PDIK1L: variants seen among roughly 807,000 people sequenced by gnomAD.
PDIK1L encodes serine/threonine-protein kinase PDIK1L.
PDIK1L carries 9 observed loss-of-function variants against 27.1 expected under a neutral mutation model. That is an observed-to-expected ratio of 0.33 (90% CI 0.20 to 0.58). The LOEUF is 0.58. Ranked by LOEUF, PDIK1L falls within the 20% of genes least tolerant of loss-of-function variation. The pLI, the probability that PDIK1L is intolerant of heterozygous loss-of-function variation, is 0.86. For synonymous variants in PDIK1L, 130 were observed against 141.7 expected, an observed-to-expected ratio of 0.92 and a Z score of 0.59; for missense variants, 216 against 413.2, an observed-to-expected ratio of 0.52 and a Z score of 4.14.
chr1:26,113,492 TCC>T (rs1327541045), intron 1 of PDIK1L, among the ~76,000 whole-genome samples: 16 of 119,278 alleles, frequency 1.3e-4, no homozygotes, highest in African/African-American at 4.9e-4. Context: ...AGAGCGAGAC[TCC>T]GTCTAAAAAA....
chr1:26,122,436 G>A lies in PDIK1L; in HGVS notation c.885G>A (p.Val295=). 1 of 1,614,146 alleles carries A rather than the reference G, an allele frequency of 6.2e-7. No individual in the cohort carries two copies. Among genetic ancestry groups the A allele is most frequent in the Non-Finnish European group, 8.5e-7 (1 of 1,180,006 alleles). The change falls in exon 3 of 3, where the codon GTG becomes GTA. Residue 295 remains valine, a synonymous_variant. Coordinates refer to ENST00000374269, the MANE Select transcript of PDIK1L (RefSeq NM_152835.5). The surrounding 1 kb of genome is among the most constrained non-coding windows in gnomAD (Gnocchi z 5.4). ...CCAAAATGGAACTTCTCATTCCTGT[G>A]AAGAAAAAATCTATGAATGGGCGAA... The part of the protein sequence containing the change: ...ENPKMELLIP[V]KKKSMNGRMK...
intron 2 of PDIK1L, among the ~76,000 whole-genome samples, chr1:26,118,675 A>C (rs1194662664): frequency 2.6e-5 from 4 of 152,234 alleles, no homozygotes; most frequent in Admixed American, 2.6e-4. Context: ...GGTACATATA[A>C]GTACTCAGTA....
chr1:26,119,727 C>T (rs773547177), intron 2 of PDIK1L, among the ~76,000 whole-genome samples: 5 of 149,832 alleles, frequency 3.3e-5, no homozygotes, highest in African/African-American at 1.2e-4. Context: ...GGCATAGTGG[C>T]GCATGCCTGT....
At position 26,114,425 on chromosome 1, in the gene PDIK1L, T is replaced by C; in HGVS notation, c.117T>C (p.Ile39=). 6.2e-7 allele frequency: 1 copy of C among 1,614,044 alleles called. No homozygotes were observed. The highest frequency in any genetic ancestry group is 8.5e-7 in the Non-Finnish European group (1 of 1,179,988). The change falls in exon 2 of 3, where the codon ATT becomes ATC. Residue 39 remains isoleucine, a synonymous_variant. Transcript: ENST00000374269. The surrounding 1 kb of genome is among the most constrained non-coding windows in gnomAD (Gnocchi z 4.8). ...KTSARVAVKK[I]RCHAPENVEL... ...CTGCACGGGTGGCAGTGAAGAAAAT[T>C]CGATGTCACGCACCTGAAAATGTTG...
In PDIK1L at chr1:26,121,833, G is replaced by T. The variant is rs1477645548; in HGVS notation, c.286-4G>T. 8.8e-6 allele frequency: 14 copies of T among 1,598,860 alleles called. No homozygotes were observed. Among genetic ancestry groups the T allele is most frequent in the Middle Eastern group, 3.3e-4 (2 of 5,982 alleles). On this transcript the variant is annotated splice_region_variant and splice_polypyrimidine_tract_variant and intron_variant, in intron 2 of 2. Coordinates refer to ENST00000374269, the MANE Select transcript of PDIK1L (RefSeq NM_152835.5). Reference sequence around the variant, plus strand: ...ATTGTAATCTTTTTTCTTCCTTCTTGTAGCTTGTAGAAACTTCATTAAAAG... The same window carrying T: ...ATTGTAATCTTTTTTCTTCCTTCTTTTAGCTTGTAGAAACTTCATTAAAAG...
In PDIK1L at chr1:26,122,346, C is replaced by A. The variant is rs1224403498; in HGVS notation, c.795C>A (p.Leu265=). The change falls in exon 3 of 3, where the codon CTC becomes CTA. Residue 265 remains leucine (L), a synonymous_variant. Transcript: ENST00000374269. This position sits in a 1 kb window ranked among gnomAD's most constrained non-coding sequence, Gnocchi z 5.4. ...TFIDTETKKE[L]LGSYVKQGTE... is the part of the protein sequence containing the mutation. ...TAGACACAGAGACAAAGAAGGAACT[C>A]TTGGGGAGTTATGTAAAACAAGGAA... 6.2e-7 allele frequency: 1 copy of A among 1,614,130 alleles called. No homozygotes were observed. The highest frequency in any genetic ancestry group is 8.5e-7 in the Non-Finnish European group (1 of 1,180,012).
chr1:26,120,153 T>G (rs1451149368), intron 2 of PDIK1L, among the ~76,000 whole-genome samples: 1 of 152,236 alleles, frequency 6.6e-6, no homozygotes, highest in African/African-American at 2.4e-5. Context: ...CTTAGATTTT[T>G]TTTTAAGACT....
In PDIK1L at chr1:26,124,371, A is replaced by G. The variant is rs2088042461; in HGVS notation, c.*1794A>G. The G allele has an allele frequency of 6.6e-6, 1 of 152,232 alleles. No homozygotes were observed. The highest frequency in any genetic ancestry group is 6.5e-5 in the Admixed American group (1 of 15,276). The allele number at this position is 152,232 out of a possible 1,614,324, so 9.4% of individuals were successfully genotyped here. A position where few individuals can be genotyped will look rare whatever the true frequency, so the allele number is the denominator to read the frequency against. The stretch of plus-strand genomic sequence containing the variant: ...TTTTGGAAATTAGAGGTGGAAACAC[A>G]CTGGAACCTCATGATAATTGACCCT... On this transcript the variant is annotated 3_prime_UTR_variant, in exon 3 of 3. Coordinates refer to ENST00000374269, the MANE Select transcript of PDIK1L (RefSeq NM_152835.5).
chr1:26,117,597 GC>G (rs1409000082), intron 2 of PDIK1L, among the ~76,000 whole-genome samples: 1 of 152,028 alleles, frequency 6.6e-6, no homozygotes, highest in Non-Finnish European at 1.5e-5. Flanking sequence ...CAAAAAATTA[GC>G]CAGGTGTGGC....
In PDIK1L at chr1:26,122,404, G is replaced by C. The variant is rs1458652936; in HGVS notation, c.853G>C (p.Glu285Gln). 1 of 1,614,088 alleles carries C rather than the reference G, an allele frequency of 6.2e-7. No homozygotes were observed. The highest frequency in any genetic ancestry group is 1.7e-5 in the Admixed American group (1 of 60,006). ...TGTGCCTGTTGGGGAGGCACTTCTG[G>C]AAAATCCCAAAATGGAACTTCTCAT... ...EIVPVGEALL[E>Q]NPKMELLIPV... Residue 285 changes from glutamate (E) to glutamine (Q), a missense_variant, in exon 3 of 3, where the codon GAA (glutamate) becomes CAA (glutamine). By Grantham distance (29) the Glu-to-Gln change is conservative. Around this residue, in one of 2 missense-constraint regions of PDIK1L, gnomAD observed 169 missense variants for 366.0 expected, o/e 0.46. Coordinates refer to ENST00000374269, the MANE Select transcript of PDIK1L (RefSeq NM_152835.5). The surrounding 1 kb of genome is among the most constrained non-coding windows in gnomAD (Gnocchi z 5.4).
chr1:26,118,560 C>T (rs2087920225), intron 2 of PDIK1L, among the ~76,000 whole-genome samples: 1 of 152,170 alleles, frequency 6.6e-6, no homozygotes, highest in South Asian at 2.1e-4. Flanking sequence ...GGATAAATAA[C>T]CCAACTCTTC....
chr1:26,114,238 T>C lies in PDIK1L; in HGVS notation c.-17-54T>C, dbSNP rs921642863. 26 of 1,471,180 alleles carry C rather than the reference T, an allele frequency of 1.8e-5. No individual in the cohort carries two copies. The African/African-American group carries it at 3.2e-4, about 18-fold the overall frequency. 91.1% of individuals were successfully genotyped at this position (1,471,180 alleles called of 1,614,324 possible). ...CAAGTAAATCATACATAAGAAGAAA[T>C]ACAAGCCAGTAGGTATACATAATTT... On this transcript the variant is annotated intron_variant, in intron 1 of 2. Coordinates refer to ENST00000374269, the MANE Select transcript of PDIK1L (RefSeq NM_152835.5). The surrounding 1 kb of genome is among the most constrained non-coding windows in gnomAD (Gnocchi z 4.8).
chr1:26,121,963 C>A lies in PDIK1L; in HGVS notation c.412C>A (p.Arg138Ser), dbSNP rs756609924. 1.1e-5 allele frequency: 17 copies of A among 1,613,920 alleles called. No individual in the cohort carries two copies. The highest frequency in any genetic ancestry group is 1.4e-5 in the Non-Finnish European group (16 of 1,180,006). ...NEYLLSRKPN[R>S]KTNTSFMLQL... ...GTATCTGTTGTCCAGGAAACCCAAT[C>A]GTAAAACTAACACCAGCTTCATGCT... Residue 138 changes from arginine to serine, a missense_variant, in exon 3 of 3, where the codon CGT becomes AGT. Physicochemically the swap from Arg to Ser is moderately radical, Grantham distance 110. Transcript: ENST00000374269.
At position 26,123,875 on chromosome 1, in the gene PDIK1L, AGTTT is replaced by A. The variant is rs1171097652; in HGVS notation, c.*1300_*1303del. The A allele has an allele frequency of 3.3e-5, 5 of 152,630 alleles. No homozygotes were observed. Among genetic ancestry groups the A allele is most frequent in the Non-Finnish European group, 5.9e-5 (4 of 68,018 alleles). The allele number at this position is 152,630 out of a possible 1,614,324, so 9.5% of individuals were successfully genotyped here. On this transcript the variant is annotated 3_prime_UTR_variant, in exon 3 of 3. Transcript: ENST00000374269. Reference sequence around the variant, plus strand: ...ACAGACCATTATTCCTCTTGAAGTTAGTTTGATTTTATCTTTGTATGGTTGTCTA... The same window carrying A: ...ACAGACCATTATTCCTCTTGAAGTTAGATTTTATCTTTGTATGGTTGTCTA...
chr1:26,117,015 CTTTTTTTTTTTTT>C (rs60381058), intron 2 of PDIK1L, among the ~76,000 whole-genome samples: 8 of 103,564 alleles, frequency 7.7e-5, no homozygotes, highest in East Asian at 6.7e-4. Flanking sequence ...TGCGCCCAAC[CTTTTTTTTTTTTT>C]TTTTTTTTTT....
In PDIK1L at chr1:26,114,516, T is replaced by G. The variant is rs766563684; in HGVS notation, c.208T>G (p.Leu70Val). The G allele has an allele frequency of 6.2e-7, 1 of 1,614,140 alleles. No individual in the cohort carries two copies. The highest frequency in any genetic ancestry group is 1.1e-5 in the South Asian group (1 of 91,076). Reference protein sequence around the residue: ...IKSQHPNVIHLEECILQKDGM... With the variant: ...IKSQHPNVIHVEECILQKDGM... ...GAGCCAACATCCAAATGTGATTCAC[T>G]TGGAGGAATGCATCCTACAAAAGGA... Residue 70 changes from leucine to valine, a missense_variant, in exon 2 of 3, where the codon TTG becomes GTG. Transcript: ENST00000374269. This position sits in a 1 kb window ranked among gnomAD's most constrained non-coding sequence, Gnocchi z 4.8.
Position 26,114,394 on chromosome 1 carries a change from A to G in PDIK1L, c.86A>G (p.Lys29Arg), listed in dbSNP as rs746647674. 16 of 1,614,004 alleles carry G rather than the reference A, an allele frequency of 9.9e-6. No individual in the cohort carries two copies. Among genetic ancestry groups the G allele is most frequent in the African/African-American group, 1.3e-5 (1 of 74,932 alleles). Reference protein sequence around the residue: ...YGVVYEAVIRKTSARVAVKKI... With the variant: ...YGVVYEAVIRRTSARVAVKKI... ...GTTGTGTATGAAGCAGTCATCAGAA[A>G]GACCTCTGCACGGGTGGCAGTGAAG... Residue 29 changes from lysine (K) to arginine (R), a missense_variant, in exon 2 of 3, where the codon AAG becomes AGG. By Grantham distance (26) the Lys-to-Arg change is conservative. Transcript: ENST00000374269. This position sits in a 1 kb window ranked among gnomAD's most constrained non-coding sequence, Gnocchi z 4.8.
Position 26,114,889 on chromosome 1 carries a change from A to G in PDIK1L, c.285+296A>G, listed in dbSNP as rs2087853838. Among the ~76,000 whole-genome samples, 1 of 152,232 alleles carries G rather than the reference A, an allele frequency of 6.6e-6. No homozygotes were observed. The highest frequency in any genetic ancestry group is 1.5e-5 in the Non-Finnish European group (1 of 68,042). The stretch of plus-strand genomic sequence containing the variant: ...GAGGTGCTTGAGACTACAGTCTAAT[A>G]ACTTCATTTCTTTGAAATCAATAAT... On this transcript the variant is annotated intron_variant, in intron 2 of 2. Coordinates refer to ENST00000374269, the MANE Select transcript of PDIK1L (RefSeq NM_152835.5). This position sits in a 1 kb window ranked among gnomAD's most constrained non-coding sequence, Gnocchi z 4.8.
chr1:26,113,951 G>T (rs1005906702), intron 1 of PDIK1L, among the ~76,000 whole-genome samples: 1 of 152,140 alleles, frequency 6.6e-6, no homozygotes, highest in African/African-American at 2.4e-5. Context: ...CAAATCCCAG[G>T]TCCACCAGTT....
Sources: gnomAD v4.1 joint callset for allele counts (sites outside exome capture counted in the v4.1 genomes callset) on GRCh38, gnomAD v4.1.1 for gene constraint, gnomAD v4.1.1 regional missense constraint, Gnocchi (gnomAD v3.1) non-coding constraint, MANE v1.5 for transcripts, NCBI Gene and HGNC (gene_info 2026-07-23, HGNC 2026-07-21) for gene names.